The following LY96 variants were observed in gnomAD, a reference collection of about 807,000 sequenced individuals.
LY96 encodes lymphocyte antigen 96.
Under a neutral mutation model 18.9 loss-of-function variants are expected in LY96, and 18 were observed. That is an observed-to-expected ratio of 0.95 (90% CI 0.66 to 1.41). The LOEUF is 1.41. Among genes scored for constraint, LY96 ranks in the 40% most tolerant of loss-of-function variants. The pLI, the probability that LY96 is intolerant of heterozygous loss-of-function variation, is 0.00. For synonymous variants in LY96, 66 were observed against 62.6 expected (o/e 1.06, Z -0.26); for missense variants, 175 against 182.4 (o/e 0.96, Z 0.23).
chr8:73,998,800 A>G (rs1395699796), intron 1 of LY96, among the ~76,000 whole-genome samples: 1 of 152,188 alleles, frequency 6.6e-6, no homozygotes, highest in Non-Finnish European at 1.5e-5. Context: ...CTTCCAATCT[A>G]TGAGCAAGGG....
At chr8:74,076,436 G>A in the LY96 span, among the ~76,000 whole-genome samples, 1 of 151,536 alleles carries the variant, frequency 6.6e-6, no homozygotes, top group Non-Finnish European at 1.5e-5. Flanking sequence ...TGATTCTCCT[G>A]CCTCAGCCTC....
At chr8:74,032,849 G>T (rs1430343531), downstream of LY96, among the ~76,000 whole-genome samples, 1 of 152,176 alleles carries the variant, frequency 6.6e-6, no homozygotes, top group Non-Finnish European at 1.5e-5. Flanking sequence ...TACACAGGAG[G>T]TGATTCCTGA....
At chr8:74,069,204 G>C in the LY96 span, among the ~76,000 whole-genome samples, 1 of 152,178 alleles carries the variant, frequency 6.6e-6, no homozygotes, top group Non-Finnish European at 1.5e-5. Context: ...AAAACCATAA[G>C]TTTTAGATTT....
chr8:73,996,369 A>ATTCC (rs1394816932), intron 1 of LY96, among the ~76,000 whole-genome samples: 1 of 53,696 alleles, frequency 1.9e-5, no homozygotes, highest in Admixed American at 2.2e-4. Flanking sequence ...TCCTTCCTTC[A>ATTCC]TTCCTTTCTT....
chr8:74,075,110 G>A, the LY96 span, among the ~76,000 whole-genome samples: 2 of 152,102 alleles, frequency 1.3e-5, no homozygotes, highest in Non-Finnish European at 2.9e-5. Flanking sequence ...TTATTATATT[G>A]GGGTCTATCT....
chr8:74,088,547 C>T, the LY96 span, among the ~76,000 whole-genome samples: 7 of 152,234 alleles, frequency 4.6e-5, no homozygotes, highest in East Asian at 1.9e-4. Context: ...AAGCTAAAAC[C>T]GCAGACTGTG....
At chr8:74,089,929 A>T in the LY96 span, among the ~76,000 whole-genome samples, 1 of 151,882 alleles carries the variant, frequency 6.6e-6, no homozygotes, top group Admixed American at 6.6e-5. Flanking sequence ...AGTTTGAGAA[A>T]GAGTGGGGAG....
chr8:74,009,509 G>A (rs1380494964), intron 2 of LY96, among the ~76,000 whole-genome samples: 2 of 151,900 alleles, frequency 1.3e-5, no homozygotes, highest in African/African-American at 2.4e-5. Context: ...AATTTTTCAT[G>A]GTAGCTGGAA....
the LY96 span, among the ~76,000 whole-genome samples, chr8:74,081,911 C>T: frequency 1.3e-5 from 2 of 152,210 alleles, no homozygotes; most frequent in African/African-American, 4.8e-5. Flanking sequence ...GCTGCGATTA[C>T]AGGCGTGAGC....
intron 1 of LY96, among the ~76,000 whole-genome samples, chr8:74,002,661 T>C (rs1816321701): frequency 6.6e-6 from 1 of 150,734 alleles, no homozygotes; most frequent in African/African-American, 2.4e-5. Context: ...AACCTCCGCC[T>C]CCTGGATTCA....
At chr8:74,097,376 CAGT>C in the LY96 span, among the ~76,000 whole-genome samples, 3 of 152,102 alleles carry the variant, frequency 2.0e-5, no homozygotes, top group Non-Finnish European at 4.4e-5. Flanking sequence ...GTATCTGTAA[CAGT>C]AGTAGTGTTA....
At chr8:74,018,228 CA>C (rs201186417) in intron 3 of LY96, among the ~76,000 whole-genome samples, 3 of 145,118 alleles carry the variant, frequency 2.1e-5, no homozygotes, top group African/African-American at 5.1e-5. Flanking sequence ...AAATGGAAAG[CA>C]AAAAAAAATA....
chr8:74,092,859 G>A, the LY96 span, among the ~76,000 whole-genome samples: 1 of 152,030 alleles, frequency 6.6e-6, no homozygotes, highest in Non-Finnish European at 1.5e-5. Context: ...TCTCTGTATT[G>A]CCACAGCTCC....
At chr8:74,023,003 C>A (rs541696526) in intron 3 of LY96, among the ~76,000 whole-genome samples, 1 of 152,092 alleles carries the variant, frequency 6.6e-6, no homozygotes, top group Non-Finnish European at 1.5e-5. Context: ...TACGGAAGGG[C>A]CCCATGCTTG....
chr8:74,007,435 G>T (rs902400331), intron 2 of LY96, among the ~76,000 whole-genome samples: 2 of 151,982 alleles, frequency 1.3e-5, no homozygotes, highest in South Asian at 2.1e-4. Flanking sequence ...TTTTTATAGC[G>T]CAATTATGTT....
At chr8:74,070,907 C>A in the LY96 span, among the ~76,000 whole-genome samples, 1 of 151,758 alleles carries the variant, frequency 6.6e-6, no homozygotes, top group Admixed American at 6.6e-5. Flanking sequence ...GTTCTGGGTA[C>A]CTTGTGCACC....
At chr8:74,068,649 T>C in the LY96 span, among the ~76,000 whole-genome samples, 2 of 152,258 alleles carry the variant, frequency 1.3e-5, no homozygotes, top group Admixed American at 1.3e-4. Flanking sequence ...TTAGTAGGTA[T>C]GCAGTGGATG....
At chr8:74,092,908 C>T in the LY96 span, among the ~76,000 whole-genome samples, 2 of 152,194 alleles carry the variant, frequency 1.3e-5, no homozygotes, top group Non-Finnish European at 2.9e-5. Flanking sequence ...TTCAATCCAT[C>T]CTCTGAACTG....
chr8:74,085,656 G>A, the LY96 span, among the ~76,000 whole-genome samples: 2 of 152,114 alleles, frequency 1.3e-5, no homozygotes, highest in African/African-American at 4.8e-5. Context: ...TGTTCCTCAA[G>A]CATGCCAAGA....
Sources: gnomAD v4.1 joint callset for allele counts (sites outside exome capture counted in the v4.1 genomes callset) on GRCh38, gnomAD v4.1.1 for gene constraint, MANE v1.5 for transcripts, NCBI Gene and HGNC (gene_info 2026-07-23, HGNC 2026-07-21) for gene names.